KLHL6: variants seen among roughly 807,000 people sequenced by gnomAD.
KLHL6 encodes kelch-like protein 6.
A neutral mutation model predicts 58.6 loss-of-function variants in KLHL6; 41 were observed. That is an observed-to-expected ratio of 0.70 (90% CI 0.55 to 0.91). The LOEUF (loss-of-function observed/expected upper bound fraction) is 0.91. Ranked by LOEUF, KLHL6 falls within the 40% of genes least tolerant of loss-of-function variation. KLHL6 has a pLI of 0.00. For missense variants in KLHL6, 714 were observed against 805.6 expected (o/e 0.89, Z 1.38); for synonymous variants, 338 against 322.7 (o/e 1.05, Z -0.51).
chr3:183,536,618 G>A (rs1712375472), intron 1 of KLHL6, among the ~76,000 whole-genome samples: 1 of 152,176 alleles, frequency 6.6e-6, no homozygotes, highest in Admixed American at 6.5e-5. Context: ...TCAGTGAGCT[G>A]CACAGAAGAA....
intron 2 of KLHL6, among the ~76,000 whole-genome samples, chr3:183,510,298 A>T (rs917034791): frequency 1.9e-5 from 2 of 104,278 alleles, no homozygotes; most frequent in Non-Finnish European, 3.8e-5. Flanking sequence ...TGAGGGGGCA[A>T]GACCTGGTGG....
chr3:183,495,245 G>A (rs1024966303), intron 4 of KLHL6, among the ~76,000 whole-genome samples: 7 of 152,176 alleles, frequency 4.6e-5, no homozygotes, highest in East Asian at 1.9e-4. Context: ...GGCATCCTCC[G>A]CAGCTGTGGT....
At position 183,492,829 on chromosome 3, in the gene KLHL6, C is replaced by T. The variant is rs1717611281; in HGVS notation, c.1351-122G>A. On this transcript the variant is annotated intron_variant, in intron 5 of 6. Transcript: ENST00000341319. This position sits in a 1 kb window ranked among gnomAD's most constrained non-coding sequence, Gnocchi z 5.9. ...ACTGGGCATCTTTTGCCTATAGTCA[C>T]AAGGCCCATGGGCTTGACTCCTCTT... 1.5e-5 allele frequency: 12 copies of T among 822,148 alleles called. No homozygotes were observed. In the South Asian group the frequency reaches 2.0e-4, roughly 14 times the overall value. The allele number at this position is 822,148 out of a possible 1,614,324, so 50.9% of individuals were successfully genotyped here.
chr3:183,492,499 A>G lies in KLHL6; in HGVS notation c.1559T>C (p.Val520Ala). ...NAVSFRDRIY[V>A]VGGAMRALYA... is the part of the protein sequence containing the mutation. ...AATAAGAAGCCATTACTCACCAACGACATAGATGCGGTCCCGGAAACTCAC... is the reference window on the plus strand; with the variant it reads ...AATAAGAAGCCATTACTCACCAACGGCATAGATGCGGTCCCGGAAACTCAC... Residue 520 changes from valine (V) to alanine (A), a missense_variant, in exon 6 of 7, where the codon GTC becomes GCC. By Grantham distance (64) the Val-to-Ala change is moderately conservative. Transcript: ENST00000341319. This position sits in a 1 kb window ranked among gnomAD's most constrained non-coding sequence, Gnocchi z 5.9. 1.2e-6 allele frequency: 2 copies of G among 1,614,162 alleles called. No homozygotes were observed. The highest frequency in any genetic ancestry group is 8.5e-7 in the Non-Finnish European group (1 of 1,180,006).
intron 1 of KLHL6, among the ~76,000 whole-genome samples, chr3:183,540,627 C>T (rs1712520920): frequency 1.3e-5 from 2 of 152,052 alleles, no homozygotes; most frequent in Admixed American, 1.3e-4. Context: ...TGGCCTCAAT[C>T]TCCTGGCCTC....
intron 2 of KLHL6, among the ~76,000 whole-genome samples, chr3:183,511,448 C>T (rs962077197): frequency 6.6e-6 from 1 of 152,226 alleles, no homozygotes; most frequent in African/African-American, 2.4e-5. Context: ...CTTCCTCTAT[C>T]TCAACTGCAA....
chr3:183,490,818 A>G lies in KLHL6; in HGVS notation c.*1109T>C, dbSNP rs921785101. Reference sequence around the variant, plus strand: ...TCAAAAAAAAAAAAAAGAGGGTTTCAATGGGAGGAGGACAGAACACAAGTA... The same window carrying G: ...TCAAAAAAAAAAAAAAGAGGGTTTCGATGGGAGGAGGACAGAACACAAGTA... On this transcript the variant is annotated 3_prime_UTR_variant, in exon 7 of 7. Coordinates refer to ENST00000341319, the MANE Select transcript of KLHL6 (RefSeq NM_130446.4). 1 of 151,776 alleles carries G rather than the reference A, an allele frequency of 6.6e-6. No homozygotes were observed. Among genetic ancestry groups the G allele is most frequent in the Non-Finnish European group, 1.5e-5 (1 of 68,040 alleles). 9.4% of individuals were successfully genotyped at this position (151,776 alleles called of 1,614,324 possible).
In KLHL6 at chr3:183,491,879, G is replaced by T; in HGVS notation, c.*48C>A. The T allele has an allele frequency of 7.0e-7, 1 of 1,432,048 alleles. No homozygotes were observed. Among genetic ancestry groups the T allele is most frequent in the East Asian group, 2.5e-5 (1 of 39,366 alleles). 88.7% of individuals were successfully genotyped at this position (1,432,048 alleles called of 1,614,324 possible). ...GGACTGGAGGAGGGTGAGAGGTGAG[G>T]CGGGTACGCTGAGGGTCGGGGGGGC... On this transcript the variant is annotated 3_prime_UTR_variant, in exon 7 of 7. Transcript: ENST00000341319.
At chr3:183,529,003 T>C (rs1712071090) in intron 1 of KLHL6, among the ~76,000 whole-genome samples, 1 of 152,124 alleles carries the variant, frequency 6.6e-6, no homozygotes, top group African/African-American at 2.4e-5. Context: ...TGCAGGGACA[T>C]GGAAGGAGCT....
chr3:183,547,713 T>A (rs575314240), intron 1 of KLHL6, among the ~76,000 whole-genome samples: 4 of 152,344 alleles, frequency 2.6e-5, no homozygotes, highest in Non-Finnish European at 1.5e-5. Flanking sequence ...CCTACATTTT[T>A]TCAGGCACTT....
Position 183,499,321 on chromosome 3 carries a change from G to A in KLHL6, c.1147+269C>T, listed in dbSNP as rs1043461690. 2.2e-4 allele frequency among the ~76,000 whole-genome samples: 33 copies of A among 151,066 alleles called. No individual in the cohort carries two copies. The highest frequency in any genetic ancestry group is 7.3e-4 in the African/African-American group (30 of 41,212). On this transcript the variant is annotated intron_variant, in intron 4 of 6. Coordinates refer to ENST00000341319, the MANE Select transcript of KLHL6 (RefSeq NM_130446.4). This position sits in a 1 kb window ranked among gnomAD's most constrained non-coding sequence, Gnocchi z 4.6. ...AGATTGCGCCACTGCACTCCAGCCT[G>A]AGCAACAGAGCGAGACGCTGTCTCA...
rs748172148 is a variant in KLHL6 at position 183,493,209 on chromosome 3, C to T, written c.1351-502G>A. 29 of 172,196 alleles carry T rather than the reference C, an allele frequency of 1.7e-4. 1 individual carries two copies. The highest frequency in any genetic ancestry group is 2.6e-4 in the Non-Finnish European group (21 of 81,134). The allele number at this position is 172,196 out of a possible 1,614,324, so 10.7% of individuals were successfully genotyped here. ...TTGAGGATTTTGAGATTAAGTCAGACGTGTGCTTCTATCCTGTGAACCCCA... is the reference window on the plus strand; with the variant it reads ...TTGAGGATTTTGAGATTAAGTCAGATGTGTGCTTCTATCCTGTGAACCCCA... On this transcript the variant is annotated intron_variant, in intron 5 of 6. Transcript: ENST00000341319.
intron 1 of KLHL6, 69 bp downstream of exon 1, chr3:183,555,292 G>A: frequency 1.5e-6 from 2 of 1,306,760 alleles, no homozygotes; most frequent in Non-Finnish European, 2.2e-6. Flanking sequence ...TCAAGATTGG[G>A]CTCTCACACT....
At chr3:183,536,543 G>T (rs1043066386) in intron 1 of KLHL6, among the ~76,000 whole-genome samples, 3 of 152,214 alleles carry the variant, frequency 2.0e-5, no homozygotes, top group South Asian at 4.1e-4. Context: ...CACTCATTGT[G>T]TGACTTAGTG....
At chr3:183,545,359 T>C (rs1486496758) in intron 1 of KLHL6, among the ~76,000 whole-genome samples, 1 of 152,226 alleles carries the variant, frequency 6.6e-6, no homozygotes. Flanking sequence ...GCTTACCATG[T>C]TAGACCCTTG....
At chr3:183,510,431 C>T (rs150882956) in intron 2 of KLHL6, among the ~76,000 whole-genome samples, 3 of 152,134 alleles carry the variant, frequency 2.0e-5, no homozygotes, top group African/African-American at 4.8e-5. Context: ...GATAGTGGGG[C>T]AGGACTGGTT....
At chr3:183,498,027 AGT>A in intron 4 of KLHL6, among the ~76,000 whole-genome samples, 1 of 152,184 alleles carries the variant, frequency 6.6e-6, no homozygotes, top group South Asian at 2.1e-4. Flanking sequence ...CAAGGTCAGG[AGT>A]TCAAGACCAG....
intron 2 of KLHL6, among the ~76,000 whole-genome samples, chr3:183,517,425 C>T (rs1042158711): frequency 4.6e-5 from 7 of 152,178 alleles, no homozygotes; most frequent in African/African-American, 1.7e-4. Context: ...TCTCACAGTC[C>T]CCCAGGAGGG....
chr3:183,528,867 A>G (rs1366022595), intron 1 of KLHL6, among the ~76,000 whole-genome samples: 2 of 152,222 alleles, frequency 1.3e-5, no homozygotes, highest in African/African-American at 4.8e-5. Context: ...TTGCAGCACT[A>G]TTCGCAATAG....
Sources: allele counts gnomAD v4.1 joint callset (sites outside exome capture counted in the v4.1 genomes callset), GRCh38; gene constraint gnomAD v4.1.1; non-coding constraint Gnocchi (gnomAD v3.1); transcripts MANE v1.5; gene names NCBI Gene and HGNC (gene_info 2026-07-23, HGNC 2026-07-21).